The following PHF7 variants were observed in gnomAD, a reference collection of about 807,000 sequenced individuals.
PHF7 encodes PHD finger protein 7.
In PHF7, 24 loss-of-function variants were observed where a neutral mutation model predicts 47.5. The observed-to-expected ratio is 0.51, with a 90% CI of 0.37 to 0.71. The LOEUF is 0.71. Ranked by LOEUF, PHF7 falls within the 30% of genes least tolerant of loss-of-function variation. The probability of loss-of-function intolerance (pLI) is 0.00; values close to 1 mark genes in which losing one functional copy is unlikely to be tolerated. For missense variants in PHF7, 361 were observed against 456.8 expected, an observed-to-expected ratio of 0.79 and a Z score of 1.91; for synonymous variants, 156 against 153.8, an observed-to-expected ratio of 1.01 and a Z score of -0.11.
chr3:52,420,600 G>A (rs904437190), intron 6 of PHF7, among the ~76,000 whole-genome samples, 165 bp downstream of exon 6: 1 of 152,206 alleles, frequency 6.6e-6, no homozygotes, highest in Non-Finnish European at 1.5e-5. Context: ...AGATTTCACA[G>A]GGGGTTCTTC....
At position 52,422,836 on chromosome 3, in the gene PHF7, A is replaced by T. The variant is rs761520169; in HGVS notation, c.874A>T (p.Ser292Cys). Residue 292 changes from serine to cysteine, a missense_variant, in exon 10 of 11, where the codon AGT becomes TGT. Ser to Cys is a moderately radical substitution (Grantham distance 112). Coordinates refer to ENST00000327906, the MANE Select transcript of PHF7 (RefSeq NM_016483.7). ...GGACTGCTCCTCTCTTAGATCTAAC[A>T]GTAAGAAATGGGAGTGTGAGGAGTG... ...HRDCSSLRSNSKKWECEECSP... is the reference protein window; with the variant it reads ...HRDCSSLRSNCKKWECEECSP... The T allele has an allele frequency of 6.2e-7, 1 of 1,614,080 alleles. No individual in the cohort carries two copies. Among genetic ancestry groups the T allele is most frequent in the Non-Finnish European group, 8.5e-7 (1 of 1,179,980 alleles).
intron 1 of PHF7, among the ~76,000 whole-genome samples, chr3:52,412,331 A>T (rs573933433): frequency 1.8e-4 from 28 of 152,316 alleles, no homozygotes; most frequent in Non-Finnish European, 2.6e-4. Flanking sequence ...AAGCTACCTT[A>T]TCTAGCTTTC....
At chr3:52,419,579 T>C (rs1481825552) in intron 4 of PHF7, among the ~76,000 whole-genome samples, 1 of 152,046 alleles carries the variant, frequency 6.6e-6, no homozygotes, top group Non-Finnish European at 1.5e-5. Context: ...TACAGGTGCG[T>C]GCCACCACAC....
chr3:52,413,987 C>T lies in PHF7; in HGVS notation c.42-9C>T, dbSNP rs371415986. The T allele has an allele frequency of 2.5e-6, 4 of 1,592,348 alleles. No individual in the cohort carries two copies. In the East Asian group the frequency reaches 6.7e-5, roughly 27 times the overall value. ...AGAACACCTTGTGCTTCTTATTTCT[C>T]TTGTATAGAAAATCTGCCAAGACTA... is the stretch of plus-strand genomic sequence containing the variant. On this transcript the variant is annotated splice_polypyrimidine_tract_variant and intron_variant, in intron 2 of 10. Transcript: ENST00000327906.
At chr3:52,412,600 T>C (rs566662549) in intron 1 of PHF7, among the ~76,000 whole-genome samples, 1 of 152,334 alleles carries the variant, frequency 6.6e-6, no homozygotes, top group Admixed American at 6.5e-5. Flanking sequence ...TAAACCTCTC[T>C]GTGCCTCAGT....
In PHF7 at chr3:52,419,839, T is replaced by C. The variant is rs1437789151; in HGVS notation, c.193T>C (p.Ser65Pro). 3.8e-6 allele frequency: 6 copies of C among 1,588,382 alleles called. No homozygotes were observed. Among genetic ancestry groups the C allele is most frequent in the East Asian group, 2.2e-5 (1 of 44,740 alleles). The change falls in exon 5 of 11, where the codon TCT becomes CCT. Residue 65 changes from serine (S) to proline (P), a missense_variant. Transcript: ENST00000327906. ...GGTTCTACTGCCCCCGCAGATCTTA[T>C]CTAGTAAGCTGCCTCAGAGGGGCCA... is the stretch of plus-strand genomic sequence containing the variant. ...ISVHYFCLIL[S>P]SKLPQRGQSN...
At chr3:52,419,731 C>G in intron 4 of PHF7, 102 bp from the exon 5 acceptor site, 1 of 770,598 alleles carries the variant, frequency 1.3e-6, no homozygotes, top group Non-Finnish European at 2.3e-6. Flanking sequence ...ACACCCGGCC[C>G]AAGCTCTATT....
rs1009789367 is a variant in PHF7, at chr3:52,421,376, CAT to C, written c.574-271_574-270del. ...TTCCTGGGATGAAAGAAAAGGGAAA[CAT>C]GTATCCAGGTGGCTGACCCCTACTC... On this transcript the variant is annotated intron_variant, in intron 7 of 10. Transcript: ENST00000327906. Among the ~76,000 whole-genome samples the C allele has an allele frequency of 3.9e-5, 6 of 152,318 alleles. No homozygotes were observed. The South Asian group carries it at 6.2e-4, about 16-fold the overall frequency.
Position 52,412,855 on chromosome 3 carries a change from A to G in PHF7, c.-25A>G, listed in dbSNP as rs1171788912. ...CCTCACAATAGTATAGAAGAATTCA[A>G]GAGAGGAGAGAGAGACAGCACCGAA... On this transcript the variant is annotated 5_prime_UTR_variant, in exon 2 of 11. Coordinates refer to ENST00000327906, the MANE Select transcript of PHF7 (RefSeq NM_016483.7). 3 of 1,583,498 alleles carry G rather than the reference A, an allele frequency of 1.9e-6. No individual in the cohort carries two copies. Among genetic ancestry groups the G allele is most frequent in the Non-Finnish European group, 2.6e-6 (3 of 1,153,350 alleles).
chr3:52,416,304 G>C (rs1705623022), intron 4 of PHF7, among the ~76,000 whole-genome samples: 1 of 150,548 alleles, frequency 6.6e-6, no homozygotes, highest in Non-Finnish European at 1.5e-5. Context: ...TCCTGCATCA[G>C]CCTCCCAAGT....
chr3:52,411,712 C>G lies in PHF7; in HGVS notation c.-70+465C>G, dbSNP rs530573178. 3.9e-5 allele frequency among the ~76,000 whole-genome samples: 6 copies of G among 152,362 alleles called. No homozygotes were observed. The South Asian group carries it at 1.2e-3, about 32-fold the overall frequency. ...GTGGATTTTCTTTCGTTCCCGTTCACTTTCAGGGATCTCCCCGTTAACCAG... is the reference window on the plus strand; with the variant it reads ...GTGGATTTTCTTTCGTTCCCGTTCAGTTTCAGGGATCTCCCCGTTAACCAG... On this transcript the variant is annotated intron_variant, in intron 1 of 10. Transcript: ENST00000327906.
At chr3:52,412,384 C>A (rs1211402103) in intron 1 of PHF7, among the ~76,000 whole-genome samples, 1 of 152,170 alleles carries the variant, frequency 6.6e-6, no homozygotes, top group Non-Finnish European at 1.5e-5. Context: ...GCAAAAGGAG[C>A]CTTTTTTTCC....
intron 4 of PHF7, among the ~76,000 whole-genome samples, chr3:52,415,616 A>G (rs1313625109): frequency 6.6e-6 from 1 of 152,218 alleles, no homozygotes; most frequent in Non-Finnish European, 1.5e-5. Flanking sequence ...TTTACTTCAT[A>G]TAAGTGAAAT....
rs774585767 is a variant in PHF7 at position 52,423,354 on chromosome 3, A to G, written c.*37A>G. On this transcript the variant is annotated 3_prime_UTR_variant, in exon 11 of 11. Coordinates refer to ENST00000327906, the MANE Select transcript of PHF7 (RefSeq NM_016483.7). Reference sequence around the variant, plus strand: ...TAGCTGCTGTCCCACACAATAGGGTATGAAGCTGCGCTCCTCCATCGGGTT... The same window carrying G: ...TAGCTGCTGTCCCACACAATAGGGTGTGAAGCTGCGCTCCTCCATCGGGTT... 7.4e-6 allele frequency: 10 copies of G among 1,358,962 alleles called. No individual in the cohort carries two copies. In the African/African-American group the frequency reaches 1.4e-4, roughly 19 times the overall value. 84.2% of individuals were successfully genotyped at this position (1,358,962 alleles called of 1,614,324 possible).
At position 52,423,241 on chromosome 3, in the gene PHF7, C is replaced by A. The variant is rs745610753; in HGVS notation, c.1070C>A (p.Ser357Tyr). The A allele has an allele frequency of 2.0e-5, 33 of 1,613,972 alleles. No homozygotes were observed. Among genetic ancestry groups the A allele is most frequent in the Non-Finnish European group, 2.5e-5 (29 of 1,179,948 alleles). ...CCTTCCTTATTAGAAAAGCCAGAGT[C>A]CTCTCGTGGCAGGAGGAGCTACTCC... ...PEPSLLEKPE[S>Y]SRGRRSYSWR... The change falls in exon 11 of 11, where the codon TCC becomes TAC. Residue 357 changes from serine to tyrosine, a missense_variant. Transcript: ENST00000327906.
In PHF7 at chr3:52,412,778, A is replaced by C; in HGVS notation, c.-69-33A>C. The C allele has an allele frequency of 4.2e-6, 4 of 961,090 alleles. No homozygotes were observed. The South Asian group carries it at 5.7e-5, about 14-fold the overall frequency. The allele number at this position is 961,090 out of a possible 1,614,324, so 59.5% of individuals were successfully genotyped here. On this transcript the variant is annotated intron_variant, in intron 1 of 10. Transcript: ENST00000327906. ...GAACTTGATAACCAAATACAGAATTAAATTGCTTACCAAACCCCATTTATA... is the reference window on the plus strand; with the variant it reads ...GAACTTGATAACCAAATACAGAATTCAATTGCTTACCAAACCCCATTTATA...
chr3:52,418,423 T>C (rs573314304), intron 4 of PHF7, among the ~76,000 whole-genome samples: 2 of 152,332 alleles, frequency 1.3e-5, no homozygotes, highest in East Asian at 3.9e-4. Context: ...ATTTATTAAA[T>C]CAATACATGC....
chr3:52,414,046 C>T lies in PHF7; in HGVS notation c.92C>T (p.Pro31Leu), dbSNP rs1158000495. 1 of 1,609,548 alleles carries T rather than the reference C, an allele frequency of 6.2e-7. No homozygotes were observed. Among genetic ancestry groups the T allele is most frequent in the East Asian group, 2.2e-5 (1 of 44,852 alleles). The change falls in exon 3 of 11, where the codon CCT becomes CTT. Residue 31 changes from proline (P) to leucine (L), a missense_variant and splice_region_variant. Physicochemically the swap from Pro to Leu is moderately conservative, Grantham distance 98 (BLOSUM62 -3). Coordinates refer to ENST00000327906, the MANE Select transcript of PHF7 (RefSeq NM_016483.7). ...ACCCAGAGGAAACCGTCTTCAGGGC[C>T]TGGTAAGAAAGACTGGAGCTTGTGT... is the stretch of plus-strand genomic sequence containing the variant. Reference protein sequence around the residue: ...RVTQRKPSSGPVCWLCLREPG... With the variant: ...RVTQRKPSSGLVCWLCLREPG...
At position 52,410,714 on chromosome 3, in the gene PHF7, G is replaced by A. The variant is rs886875338; in HGVS notation, c.-603G>A. 6.6e-6 allele frequency: 1 copy of A among 152,654 alleles called. No homozygotes were observed. Among genetic ancestry groups the A allele is most frequent in the Admixed American group, 6.5e-5 (1 of 15,290 alleles). The allele number at this position is 152,654 out of a possible 1,614,324, so 9.5% of individuals were successfully genotyped here. ...GCGGCCGCCCGGAGGTAGCTACCAC[G>A]GCCTGTGTCAACGACTAAAGCTCCA... On this transcript the variant is annotated 5_prime_UTR_variant, in exon 1 of 11. Coordinates refer to ENST00000327906, the MANE Select transcript of PHF7 (RefSeq NM_016483.7).
Sources: allele counts gnomAD v4.1 joint callset (sites outside exome capture counted in the v4.1 genomes callset), GRCh38; gene constraint gnomAD v4.1.1; transcripts MANE v1.5; gene names NCBI Gene and HGNC (gene_info 2026-07-23, HGNC 2026-07-21).